Variants in FGF10 observed in about 807,000 individuals in gnomAD.
The protein encoded by FGF10 is FGF-10.
Under a neutral mutation model 19.8 loss-of-function variants are expected in FGF10, and 2 were observed. The ratio of observed to expected loss-of-function variants is 0.10; its 90% CI spans 0.04 to 0.32. The LOEUF (loss-of-function observed/expected upper bound fraction) is 0.32, where lower values mean the gene tolerates loss of function less well. FGF10 is among the 10% of genes least tolerant of loss of function. The pLI, the probability that FGF10 is intolerant of heterozygous loss-of-function variation, is 1.00. For missense variants in FGF10, 191 were observed against 246.3 expected (o/e 0.78, Z 1.50); for synonymous variants, 112 against 94.0 (o/e 1.19, Z -1.10).
intron 2 of FGF10, among the ~76,000 whole-genome samples, chr5:44,310,170 T>A (rs1322660176): frequency 1.3e-5 from 2 of 152,108 alleles, no homozygotes; most frequent in African/African-American, 4.8e-5. Context: ...AGAGCCTGAC[T>A]TGGTTAGCAG....
rs375032324 is a variant in FGF10 at position 44,304,992 on chromosome 5, C to G, written c.*3G>C. 1.2e-6 allele frequency: 2 copies of G among 1,613,846 alleles called. No homozygotes were observed. Among genetic ancestry groups the G allele is most frequent in the African/African-American group, 1.3e-5 (1 of 75,046 alleles). On this transcript the variant is annotated 3_prime_UTR_variant, in exon 3 of 3. Coordinates refer to ENST00000264664, the MANE Select transcript of FGF10 (RefSeq NM_004465.2). The stretch of plus-strand genomic sequence containing the variant: ...CTACTGCATCCACAAACGTTGCCTT[C>G]CTCTATGAGTGTACCACCATTGGAA...
At chr5:44,314,183 T>C (rs180834112) in intron 1 of FGF10, among the ~76,000 whole-genome samples, 2 of 152,184 alleles carry the variant, frequency 1.3e-5, no homozygotes, top group Admixed American at 6.6e-5. Flanking sequence ...TGTTTTCAAA[T>C]ATCATAAGAG....
At chr5:44,339,169 C>CAAAG (rs1284412344) in intron 1 of FGF10, among the ~76,000 whole-genome samples, 2 of 152,054 alleles carry the variant, frequency 1.3e-5, no homozygotes. Flanking sequence ...AATCCAAACA[C>CAAAG]AAAGAACATT....
chr5:44,334,227 C>T (rs577431619), intron 1 of FGF10, among the ~76,000 whole-genome samples: 11 of 151,998 alleles, frequency 7.2e-5, no homozygotes, highest in Non-Finnish European at 1.3e-4. Flanking sequence ...TCCTTATGTC[C>T]ACAACCTTAG....
At chr5:44,310,322 T>C (rs1022094595) in intron 2 of FGF10, 105 bp downstream of exon 2, 16 of 758,602 alleles carry the variant, frequency 2.1e-5, no homozygotes, top group Non-Finnish European at 3.3e-5. Flanking sequence ...CTCTATTTAC[T>C]AGCAATAGAA....
At chr5:44,357,787 C>T (rs1024751441) in intron 1 of FGF10, among the ~76,000 whole-genome samples, 1 of 151,428 alleles carries the variant, frequency 6.6e-6, no homozygotes, top group African/African-American at 2.4e-5. Flanking sequence ...CAGATTTCTC[C>T]TTATAGCTAA....
chr5:44,314,070 T>A (rs1013432515), intron 1 of FGF10, among the ~76,000 whole-genome samples: 178 of 152,140 alleles, frequency 1.2e-3, no homozygotes, highest in Non-Finnish European at 4.3e-4. Flanking sequence ...AAATTATTGT[T>A]GGAGATGAGA....
intron 1 of FGF10, among the ~76,000 whole-genome samples, chr5:44,325,602 G>A (rs1476203299): frequency 6.6e-6 from 1 of 152,004 alleles, no homozygotes; most frequent in Non-Finnish European, 1.5e-5. Flanking sequence ...GGATGAAGCT[G>A]GAAACCATCA....
intron 1 of FGF10, among the ~76,000 whole-genome samples, chr5:44,310,820 G>A (rs960888020): frequency 9.2e-5 from 14 of 151,956 alleles, no homozygotes; most frequent in South Asian, 2.1e-4. Flanking sequence ...TGCTTCCTTT[G>A]CTAACTCTGC....
At chr5:44,310,595 T>G in intron 1 of FGF10, 65 bp from the exon 2 acceptor site, 1 of 1,232,178 alleles carries the variant, frequency 8.1e-7, no homozygotes, top group Non-Finnish European at 1.2e-6. Context: ...AAAAGTAAAA[T>G]CAAAAGAAAC....
Position 44,388,396 on chromosome 5 carries a change from C to G in FGF10, c.287G>C (p.Gly96Ala). 6.2e-7 allele frequency: 1 copy of G among 1,613,686 alleles called. No individual in the cohort carries two copies. Among genetic ancestry groups the G allele is most frequent in the South Asian group, 1.1e-5 (1 of 91,064 alleles). The change falls in exon 1 of 3, where the codon GGG becomes GCG. Residue 96 changes from glycine (G) to alanine (A), a missense_variant. This residue lies in a region of FGF10 where 99 missense variants were observed against 161.7 expected (regional missense o/e 0.61). Coordinates refer to ENST00000264664, the MANE Select transcript of FGF10 (RefSeq NM_004465.2). ...CTCCTTCTTGGTCCCGCTGACCTTC[C>G]CGTTCTTCTCAATCTTGAGAAAGTA... ...TKYFLKIEKN[G>A]KVSGTKKENC... is the part of the protein sequence containing the mutation.
chr5:44,316,116 A>G (rs1740343570), intron 1 of FGF10, among the ~76,000 whole-genome samples: 1 of 152,158 alleles, frequency 6.6e-6, no homozygotes, highest in African/African-American at 2.4e-5. Context: ...CAGGAGTGCG[A>G]ACCCTACTGT....
chr5:44,315,510 T>C (rs1010670222), intron 1 of FGF10, among the ~76,000 whole-genome samples: 1 of 152,162 alleles, frequency 6.6e-6, no homozygotes, highest in Non-Finnish European at 1.5e-5. Context: ...GTGGTGCTTT[T>C]CTGGGTGAGG....
In FGF10 at chr5:44,301,318, A is replaced by G. The variant is rs1739960125; in HGVS notation, c.*3677T>C. Among the ~76,000 whole-genome samples the G allele has an allele frequency of 6.6e-6, 1 of 152,178 alleles. No homozygotes were observed. Among genetic ancestry groups the G allele is most frequent in the African/African-American group, 2.4e-5 (1 of 41,456 alleles). ...CAGCTGAACCCTTCAGTAATATGAA[A>G]AAGGTAAATTTTACTTCACTGAATA... On this transcript the variant is annotated 3_prime_UTR_variant, in exon 3 of 3. Coordinates refer to ENST00000264664, the MANE Select transcript of FGF10 (RefSeq NM_004465.2).
In FGF10 at chr5:44,303,698, T is replaced by C. The variant is rs1011062373; in HGVS notation, c.*1297A>G. The C allele has an allele frequency of 9.8e-5, 15 of 152,308 alleles. No homozygotes were observed. Among genetic ancestry groups the C allele is most frequent in the African/African-American group, 3.6e-4 (15 of 41,582 alleles). 9.4% of individuals were successfully genotyped at this position (152,308 alleles called of 1,614,324 possible). ...AAATTTACAGAAAACAAGTTTTATT[T>C]GGTTTTGTAAAGACTAGATCATACA... is the stretch of plus-strand genomic sequence containing the variant. On this transcript the variant is annotated 3_prime_UTR_variant, in exon 3 of 3. Coordinates refer to ENST00000264664, the MANE Select transcript of FGF10 (RefSeq NM_004465.2).
rs1741562023 is a variant in FGF10, at chr5:44,364,480, G to A, written c.325+23878C>T. Among the ~76,000 whole-genome samples the A allele has an allele frequency of 3.3e-5, 5 of 151,778 alleles. No homozygotes were observed. In the South Asian group the frequency reaches 1.0e-3, roughly 32 times the overall value. On this transcript the variant is annotated intron_variant, in intron 1 of 2. Coordinates refer to ENST00000264664, the MANE Select transcript of FGF10 (RefSeq NM_004465.2). ...GAGGTGTTACTGGCATTCAGTAGGT[G>A]GAGACCAGGGATGCTGCTAGATGTG... is the stretch of plus-strand genomic sequence containing the variant.
At chr5:44,371,747 T>C (rs1741746292) in intron 1 of FGF10, among the ~76,000 whole-genome samples, 1 of 152,154 alleles carries the variant, frequency 6.6e-6, no homozygotes, top group Non-Finnish European at 1.5e-5. Context: ...GTCAACTAAA[T>C]TTGTTATCCC....
chr5:44,360,762 C>A (rs1413534407), intron 1 of FGF10, among the ~76,000 whole-genome samples: 2 of 151,560 alleles, frequency 1.3e-5, no homozygotes, highest in African/African-American at 4.8e-5. Flanking sequence ...TTAATATTTG[C>A]AAGGCATGAT....
intron 1 of FGF10, among the ~76,000 whole-genome samples, chr5:44,318,327 A>G (rs747980561): frequency 1.3e-5 from 2 of 152,160 alleles, no homozygotes; most frequent in Non-Finnish European, 2.9e-5. Context: ...TCTGTATCAG[A>G]AAACATATTT....
Sources: allele counts gnomAD v4.1 joint callset (sites outside exome capture counted in the v4.1 genomes callset), GRCh38; gene constraint gnomAD v4.1.1; regional missense constraint gnomAD v4.1.1; transcripts MANE v1.5; gene names NCBI Gene and HGNC (gene_info 2026-07-23, HGNC 2026-07-21).